SGCZ: variants seen among roughly 807,000 people sequenced by gnomAD.
The protein encoded by SGCZ is zeta-sarcoglycan.
SGCZ carries 40 observed loss-of-function variants against 41.3 expected under a neutral mutation model. The observed-to-expected ratio is 0.97, with a 90% CI of 0.75 to 1.26. The LOEUF (loss-of-function observed/expected upper bound fraction) is 1.26. Ranked by LOEUF, SGCZ falls within the 50% of genes most tolerant of loss-of-function variation. SGCZ has a pLI of 0.00. For missense variants in SGCZ, 552 were observed against 369.8 expected (o/e 1.49, Z -4.04); for synonymous variants, 206 against 137.5 (o/e 1.50, Z -3.49).
intron 3 of SGCZ, among the ~76,000 whole-genome samples, chr8:14,264,933 G>A (rs1041195174): frequency 3.7e-4 from 56 of 152,028 alleles, no homozygotes; most frequent in African/African-American, 1.0e-3. Flanking sequence ...ACTGCACTCC[G>A]GCCTGGGTGA....
chr8:14,239,041 T>C (rs990119101), intron 3 of SGCZ, among the ~76,000 whole-genome samples: 3 of 151,904 alleles, frequency 2.0e-5, no homozygotes, highest in Non-Finnish European at 4.4e-5. Flanking sequence ...AGTTTTTTTT[T>C]CCATAGGTGT....
chr8:14,728,065 A>G (rs1361771049), intron 1 of SGCZ, among the ~76,000 whole-genome samples: 1 of 152,202 alleles, frequency 6.6e-6, no homozygotes, highest in Non-Finnish European at 1.5e-5. Flanking sequence ...CTACGGTGAT[A>G]AAAATCAGAA....
chr8:14,401,990 T>A (rs1289371402), intron 2 of SGCZ, among the ~76,000 whole-genome samples: 2 of 151,994 alleles, frequency 1.3e-5, no homozygotes, highest in Non-Finnish European at 2.9e-5. Context: ...CTAACTGGTG[T>A]GGGATGGTAT....
At chr8:14,919,736 G>T (rs950010372) in intron 1 of SGCZ, among the ~76,000 whole-genome samples, 1 of 152,026 alleles carries the variant, frequency 6.6e-6, no homozygotes, top group Non-Finnish European at 1.5e-5. Context: ...TGGCCAACAT[G>T]GTGAAACCCC....
chr8:14,137,511 C>T (rs1334902517), intron 5 of SGCZ, among the ~76,000 whole-genome samples: 1 of 152,050 alleles, frequency 6.6e-6, no homozygotes, highest in Non-Finnish European at 1.5e-5. Flanking sequence ...GAAACAATGG[C>T]ATGAGAACTA....
intron 1 of SGCZ, among the ~76,000 whole-genome samples, chr8:14,627,073 T>C (rs1236635444): frequency 6.6e-6 from 1 of 152,208 alleles, no homozygotes; most frequent in African/African-American, 2.4e-5. Flanking sequence ...ATTTGGACAA[T>C]AATCTTGTAA....
At chr8:14,155,145 C>T (rs761430200) in intron 5 of SGCZ, among the ~76,000 whole-genome samples, 2 of 152,234 alleles carry the variant, frequency 1.3e-5, no homozygotes, top group African/African-American at 2.4e-5. Context: ...GTGGTATACA[C>T]AGCTGGCAAA....
intron 2 of SGCZ, among the ~76,000 whole-genome samples, chr8:14,396,435 GA>G (rs773167460): frequency 5.3e-5 from 8 of 152,118 alleles, no homozygotes; most frequent in Non-Finnish European, 1.2e-4. Flanking sequence ...AAAATGGTGA[GA>G]ATTTGATCAC....
At chr8:14,302,336 T>C (rs928096223) in intron 3 of SGCZ, among the ~76,000 whole-genome samples, 5 of 152,190 alleles carry the variant, frequency 3.3e-5, no homozygotes, top group African/African-American at 9.6e-5. Context: ...GTCACCCTTA[T>C]ATAGGTTTAC....
intron 2 of SGCZ, among the ~76,000 whole-genome samples, chr8:14,470,275 C>A (rs561661010): frequency 6.6e-6 from 1 of 152,094 alleles, no homozygotes; most frequent in Non-Finnish European, 1.5e-5. Context: ...TTTTTCTGCA[C>A]ACAATGAGGT....
chr8:14,085,666 C>T lies in SGCZ; in HGVS notation c.*4777G>A, dbSNP rs1162981524. 1.3e-5 allele frequency among the ~76,000 whole-genome samples: 2 copies of T among 151,638 alleles called. No homozygotes were observed. Among genetic ancestry groups the T allele is most frequent in the Admixed American group, 1.3e-4 (2 of 15,162 alleles). On this transcript the variant is annotated 3_prime_UTR_variant, in exon 8 of 8. Coordinates refer to ENST00000382080, the MANE Select transcript of SGCZ (RefSeq NM_139167.4). ...TCAGCTGAGGAGATCCATGCTGGGC[C>T]CATTTTGGGATACGGTCTTTGCATA...
intron 3 of SGCZ, among the ~76,000 whole-genome samples, chr8:14,296,942 T>C (rs1039049650): frequency 6.6e-6 from 1 of 151,914 alleles, no homozygotes; most frequent in Non-Finnish European, 1.5e-5. Flanking sequence ...TTTTTTTGAG[T>C]CGGATTTTCG....
intron 1 of SGCZ, among the ~76,000 whole-genome samples, chr8:14,600,493 G>C (rs1309115524): frequency 1.3e-5 from 2 of 152,164 alleles, no homozygotes; most frequent in Admixed American, 6.5e-5. Context: ...TTAGTCATTA[G>C]TTAAGGGCTC....
At position 14,284,519 on chromosome 8, in the gene SGCZ, C is replaced by T. The variant is rs578079582; in HGVS notation, c.336+39584G>A. Among the ~76,000 whole-genome samples the T allele has an allele frequency of 3.3e-5, 5 of 152,266 alleles. No individual in the cohort carries two copies. The South Asian group carries it at 1.0e-3, about 32-fold the overall frequency. ...AATTATCCATGCCTTTAGATTTAAACTTTTTATTCCGTACGTAGATGGGTT... is the reference window on the plus strand; with the variant it reads ...AATTATCCATGCCTTTAGATTTAAATTTTTTATTCCGTACGTAGATGGGTT... On this transcript the variant is annotated intron_variant, in intron 3 of 7. Transcript: ENST00000382080.
rs1006929996 is a variant in SGCZ, at chr8:14,848,775, G to T, written c.40-293849C>A. On this transcript the variant is annotated intron_variant, in intron 1 of 7. Coordinates refer to ENST00000382080, the MANE Select transcript of SGCZ (RefSeq NM_139167.4). ...CATAGAATAAAACTTCGTCACAATGGATTAGGCAAAGATTTCTTAAGAACC... is the reference window on the plus strand; with the variant it reads ...CATAGAATAAAACTTCGTCACAATGTATTAGGCAAAGATTTCTTAAGAACC... Among the ~76,000 whole-genome samples the T allele has an allele frequency of 1.1e-4, 17 of 152,094 alleles. 3 individuals carry two copies. The highest frequency in any genetic ancestry group is 9.8e-4 in the Admixed American group (15 of 15,272).
In SGCZ at chr8:14,964,441, T is replaced by C. The variant is rs1203191038; in HGVS notation, c.39+273144A>G. 2.0e-5 allele frequency among the ~76,000 whole-genome samples: 3 copies of C among 152,264 alleles called. No homozygotes were observed. In the East Asian group the frequency reaches 5.8e-4, roughly 29 times the overall value. Reference sequence around the variant, plus strand: ...CTGCCTAGGACTTTAGAGCTTCAAATTTTTTGGAGCTGGTGATGCTAACTG... The same window carrying C: ...CTGCCTAGGACTTTAGAGCTTCAAACTTTTTGGAGCTGGTGATGCTAACTG... On this transcript the variant is annotated intron_variant, in intron 1 of 7. Coordinates refer to ENST00000382080, the MANE Select transcript of SGCZ (RefSeq NM_139167.4).
chr8:15,140,910 A>G (rs1222505523), intron 1 of SGCZ, among the ~76,000 whole-genome samples: 1 of 152,214 alleles, frequency 6.6e-6, no homozygotes, highest in African/African-American at 2.4e-5. Flanking sequence ...CAAGTTGTGT[A>G]TACTTGCAGT....
chr8:14,629,882 G>A (rs1473751524), intron 1 of SGCZ, among the ~76,000 whole-genome samples: 1 of 152,050 alleles, frequency 6.6e-6, no homozygotes, highest in African/African-American at 2.4e-5. Flanking sequence ...TCCAATCTGA[G>A]TTAAAGAGCA....
chr8:14,241,313 T>C (rs1351071), intron 3 of SGCZ, among the ~76,000 whole-genome samples: 1 of 151,364 alleles, frequency 6.6e-6, no homozygotes, highest in East Asian at 1.9e-4. Flanking sequence ...ATCTATTTTG[T>C]TGATATTTTC....
Sources: gnomAD v4.1 joint callset for allele counts (sites outside exome capture counted in the v4.1 genomes callset) on GRCh38, gnomAD v4.1.1 for gene constraint, MANE v1.5 for transcripts, NCBI Gene and HGNC (gene_info 2026-07-23, HGNC 2026-07-21) for gene names.